The following SLC17A4 variants were observed in gnomAD, a reference collection of about 807,000 sequenced individuals.
SLC17A4 encodes solute carrier family 17 member 4.
A neutral mutation model predicts 52.5 loss-of-function variants in SLC17A4; 33 were observed. That is an observed-to-expected ratio of 0.63 (90% CI 0.48 to 0.84). The LOEUF is 0.84. Ranked by LOEUF, SLC17A4 falls within the 40% of genes least tolerant of loss-of-function variation. The pLI, the probability that SLC17A4 is intolerant of heterozygous loss-of-function variation, is 0.00. For synonymous variants in SLC17A4, 225 were observed against 216.2 expected (o/e 1.04, Z -0.36); for missense variants, 585 against 597.1 (o/e 0.98, Z 0.21).
At position 25,779,207 on chromosome 6, in the gene SLC17A4, T is replaced by G. The variant is rs759611063; in HGVS notation, c.*19T>G. 3 of 1,612,626 alleles carry G rather than the reference T, an allele frequency of 1.9e-6. No homozygotes were observed. In the Admixed American group the frequency reaches 5.0e-5, roughly 27 times the overall value. ...CCTCTGAGCAAACCGAGAGATGTGC[T>G]AGATCCTGGTGCTTAGTTCATCATT... On this transcript the variant is annotated 3_prime_UTR_variant, in exon 12 of 12. Coordinates refer to ENST00000377905, the MANE Select transcript of SLC17A4 (RefSeq NM_005495.3).
intron 2 of SLC17A4, among the ~76,000 whole-genome samples, chr6:25,765,484 G>C (rs1206179223): frequency 2.0e-5 from 3 of 152,174 alleles, no homozygotes; most frequent in Non-Finnish European, 2.9e-5. Flanking sequence ...TCACACTGCT[G>C]TGCTTACGTT....
intron 1 of SLC17A4, among the ~76,000 whole-genome samples, chr6:25,755,698 C>T (rs1160218440): frequency 6.6e-6 from 1 of 152,118 alleles, no homozygotes; most frequent in East Asian, 1.9e-4. Context: ...TCTACAAAGG[C>T]CCTTCTGTTC....
chr6:25,777,564 AAACAACAACAACAAC>A lies in SLC17A4; in HGVS notation c.1269-332_1269-318del, dbSNP rs143345736. ...AGATCAGACTCAACAGCAGAAGCCAAAACAACAACAACAACAACAACAACAACAACAACAACAACA... is the reference window on the plus strand; with the variant it reads ...AGATCAGACTCAACAGCAGAAGCCAAAACAACAACAACAACAACAACAACA... On this transcript the variant is annotated intron_variant, in intron 10 of 11. Transcript: ENST00000377905. 8.5e-4 allele frequency: 138 copies of A among 162,052 alleles called. 1 individual carries two copies. Among genetic ancestry groups the A allele is most frequent in the Middle Eastern group, 8.1e-3 (3 of 370 alleles). The allele number at this position is 162,052 out of a possible 1,614,324, so 10.0% of individuals were successfully genotyped here. A position where few individuals can be genotyped will look rare whatever the true frequency, so the allele number is the denominator to read the frequency against.
chr6:25,757,130 G>A (rs1761088024), intron 1 of SLC17A4, among the ~76,000 whole-genome samples: 1 of 152,128 alleles, frequency 6.6e-6, no homozygotes, highest in African/African-American at 2.4e-5. Flanking sequence ...AGGGTTCCAT[G>A]GTCTAACATC....
chr6:25,776,485 T>C, intron 8 of SLC17A4, 110 bp from the exon 9 acceptor site: 1 of 1,280,118 alleles, frequency 7.8e-7, no homozygotes, highest in South Asian at 1.6e-5. Flanking sequence ...GTATTAAAAG[T>C]GATGCGTATA....
In SLC17A4 at chr6:25,778,014, C is replaced by T. The variant is rs1349623934; in HGVS notation, c.1357C>T (p.Gln453Ter). The T allele has an allele frequency of 3.1e-6, 5 of 1,588,130 alleles. No homozygotes were observed. Among genetic ancestry groups the T allele is most frequent in the African/African-American group, 1.3e-5 (1 of 74,494 alleles). The change falls in exon 11 of 12, where the codon CAG becomes TAG. Residue 453 changes from glutamine to a stop codon, truncating the protein, a stop_gained and splice_region_variant. Coordinates refer to ENST00000377905, the MANE Select transcript of SLC17A4 (RefSeq NM_005495.3). LOFTEE classifies it low-confidence loss of function (END_TRUNC). ...SPTAAGFFIS[Q>*]DSEFGWRNVF... ...TACTGCTGCTGGATTTTTCATCAGT[C>T]AGGTGAGGTCAAATGTTCTGATGAA...
chr6:25,776,917 G>A lies in SLC17A4; in HGVS notation c.1226G>A (p.Cys409Tyr). The A allele has an allele frequency of 1.2e-6, 2 of 1,613,732 alleles. No individual in the cohort carries two copies. Among genetic ancestry groups the A allele is most frequent in the Non-Finnish European group, 1.7e-6 (2 of 1,179,784 alleles). Residue 409 changes from cysteine to tyrosine, a missense_variant, in exon 10 of 12, where the codon TGT becomes TAT. Coordinates refer to ENST00000377905, the MANE Select transcript of SLC17A4 (RefSeq NM_005495.3). ...CTGTCTTCTGCCATCAGCAGCTTCTGTGAATCAGGAGCCCTTGTTAACTTC... is the reference window on the plus strand; with the variant it reads ...CTGTCTTCTGCCATCAGCAGCTTCTATGAATCAGGAGCCCTTGTTAACTTC... ...LVLSSAISSFCESGALVNFLD... is the reference protein window; with the variant it reads ...LVLSSAISSFYESGALVNFLD...
At chr6:25,765,649 G>GA (rs937695079) in intron 2 of SLC17A4, among the ~76,000 whole-genome samples, 6 of 151,958 alleles carry the variant, frequency 3.9e-5, no homozygotes, top group African/African-American at 1.2e-4. Context: ...AACTAAGGAG[G>GA]AAAAAAATGT....
Position 25,778,117 on chromosome 6 carries a change from T to C in SLC17A4, c.1359+101T>C. 3 of 754,964 alleles carry C rather than the reference T, an allele frequency of 4.0e-6. No individual in the cohort carries two copies. The East Asian group carries it at 7.7e-5, about 19-fold the overall frequency. The allele number at this position is 754,964 out of a possible 1,614,324, so 46.8% of individuals were successfully genotyped here. On this transcript the variant is annotated intron_variant, in intron 11 of 11. Transcript: ENST00000377905. ...TGTATCCTAGAAGATGCTTTTAAAGTAGTCAAAAATAAACTAATTTACATG... is the reference window on the plus strand; with the variant it reads ...TGTATCCTAGAAGATGCTTTTAAAGCAGTCAAAAATAAACTAATTTACATG...
intron 1 of SLC17A4, among the ~76,000 whole-genome samples, chr6:25,757,160 A>T (rs1056903711): frequency 1.3e-5 from 2 of 152,210 alleles, no homozygotes; most frequent in African/African-American, 4.8e-5. Flanking sequence ...GAATGACATC[A>T]TTGAGGCAAC....
At position 25,779,434 on chromosome 6, in the gene SLC17A4, G is replaced by C; in HGVS notation, c.*246G>C. 2.5e-6 allele frequency: 1 copy of C among 399,954 alleles called. No homozygotes were observed. Among genetic ancestry groups the C allele is most frequent in the Non-Finnish European group, 4.4e-6 (1 of 229,658 alleles). 24.8% of individuals were successfully genotyped at this position (399,954 alleles called of 1,614,324 possible). A position where few individuals can be genotyped will look rare whatever the true frequency, so the allele number is the denominator to read the frequency against. On this transcript the variant is annotated 3_prime_UTR_variant, in exon 12 of 12. Coordinates refer to ENST00000377905, the MANE Select transcript of SLC17A4 (RefSeq NM_005495.3). Reference sequence around the variant, plus strand: ...TCTCCACTCTTCCACTGTTATCCTAGTAAAAGCATCAGGGGCTGGGGACAA... The same window carrying C: ...TCTCCACTCTTCCACTGTTATCCTACTAAAAGCATCAGGGGCTGGGGACAA...
At chr6:25,758,503 C>T (rs181443520) in intron 1 of SLC17A4, among the ~76,000 whole-genome samples, 8 of 152,296 alleles carry the variant, frequency 5.3e-5, no homozygotes, top group African/African-American at 1.9e-4. Context: ...TCTATTTCTT[C>T]CTGGTTTAAT....
At chr6:25,765,305 G>A (rs1761914566) in intron 2 of SLC17A4, among the ~76,000 whole-genome samples, 1 of 152,234 alleles carries the variant, frequency 6.6e-6, no homozygotes, top group South Asian at 2.1e-4. Context: ...CAGTCTTTAT[G>A]TATTAATTCA....
intron 2 of SLC17A4, among the ~76,000 whole-genome samples, chr6:25,762,494 A>C (rs533618587): frequency 2.3e-4 from 35 of 152,288 alleles, no homozygotes; most frequent in Non-Finnish European, 4.1e-4. Context: ...CTATATTACA[A>C]CATCATGCTT....
At position 25,770,450 on chromosome 6, in the gene SLC17A4, C is replaced by G; in HGVS notation, c.598C>G (p.Leu200Val). The change falls in exon 5 of 12, where the codon CTC becomes GTC. Residue 200 changes from leucine to valine, a missense_variant. Coordinates refer to ENST00000377905, the MANE Select transcript of SLC17A4 (RefSeq NM_005495.3). ...KWAPPLERSQ[L>V]TTIAGSGSML... Reference sequence around the variant, plus strand: ...GGCTCCCCCACTGGAAAGGAGTCAACTCACCACCATTGCTGGATCAGGTAA... The same window carrying G: ...GGCTCCCCCACTGGAAAGGAGTCAAGTCACCACCATTGCTGGATCAGGTAA... 1 of 1,614,090 alleles carries G rather than the reference C, an allele frequency of 6.2e-7. No individual in the cohort carries two copies. Among genetic ancestry groups the G allele is most frequent in the East Asian group, 2.2e-5 (1 of 44,886 alleles).
At chr6:25,764,368 C>T (rs933682564) in intron 2 of SLC17A4, among the ~76,000 whole-genome samples, 12 of 152,148 alleles carry the variant, frequency 7.9e-5, no homozygotes, top group African/African-American at 2.7e-4. Flanking sequence ...TATACTGCCC[C>T]CCACCATGGG....
chr6:25,763,917 T>A (rs1410875597), intron 2 of SLC17A4, among the ~76,000 whole-genome samples: 1 of 152,186 alleles, frequency 6.6e-6, no homozygotes, highest in African/African-American at 2.4e-5. Context: ...AATCTAGGTA[T>A]TTCTGAGAAG....
intron 4 of SLC17A4, 41 bp downstream of exon 4, chr6:25,770,341 C>A: frequency 6.2e-7 from 1 of 1,613,736 alleles, no homozygotes; most frequent in Non-Finnish European, 8.5e-7. Flanking sequence ...ATATAGGTTC[C>A]AGAATGACCT....
In SLC17A4 at chr6:25,779,295, T is replaced by A; in HGVS notation, c.*107T>A. On this transcript the variant is annotated 3_prime_UTR_variant, in exon 12 of 12. Coordinates refer to ENST00000377905, the MANE Select transcript of SLC17A4 (RefSeq NM_005495.3). ...GACTGATAAGCCATTAGCTAGACCC[T>A]GACTATGTAACGCTAAAGATTTTAC... 6.8e-7 allele frequency: 1 copy of A among 1,469,296 alleles called. No individual in the cohort carries two copies. Among genetic ancestry groups the A allele is most frequent in the Non-Finnish European group, 9.2e-7 (1 of 1,084,962 alleles). The allele number at this position is 1,469,296 out of a possible 1,614,324, so 91.0% of individuals were successfully genotyped here.
Sources: allele counts gnomAD v4.1 joint callset (sites outside exome capture counted in the v4.1 genomes callset), GRCh38; gene constraint gnomAD v4.1.1; transcripts MANE v1.5; gene names NCBI Gene and HGNC (gene_info 2026-07-23, HGNC 2026-07-21).